Variants in RPS6KA2 observed in about 807,000 individuals in gnomAD.
The protein encoded by RPS6KA2 is ribosomal protein S6 kinase alpha-2.
Under a neutral mutation model 91.8 loss-of-function variants are expected in RPS6KA2, and 42 were observed. That is an observed-to-expected ratio of 0.46 (90% CI 0.36 to 0.59). RPS6KA2 has a LOEUF of 0.59. Ranked by LOEUF, RPS6KA2 falls within the 20% of genes least tolerant of loss-of-function variation. The pLI is 0.00. For synonymous variants in RPS6KA2, 414 were observed against 393.6 expected, an observed-to-expected ratio of 1.05 and a Z score of -0.61; for missense variants, 798 against 978.5, an observed-to-expected ratio of 0.82 and a Z score of 2.46.
intron 2 of RPS6KA2, among the ~76,000 whole-genome samples, chr6:166,846,529 T>C (rs1341274867): frequency 6.6e-6 from 1 of 152,222 alleles, no homozygotes; most frequent in African/African-American, 2.4e-5. Context: ...GTGGGTTTCA[T>C]ACCAGGAATG....
chr6:166,504,521 T>C lies in RPS6KA2; in HGVS notation c.551A>G (p.Asp184Gly). 6.2e-7 allele frequency: 1 copy of C among 1,610,158 alleles called. No individual in the cohort carries two copies. The highest frequency in any genetic ancestry group is 1.7e-5 in the Admixed American group (1 of 59,424). The change falls in exon 6 of 21, where the codon GAT (aspartate) becomes GGT (glycine). Residue 184 changes from aspartate (D) to glycine (G), a missense_variant. By Grantham distance (94) the Asp-to-Gly change is moderately conservative (BLOSUM62 -1). Coordinates refer to ENST00000265678, the MANE Select transcript of RPS6KA2 (RefSeq NM_021135.6). The part of the protein sequence containing the change: ...HLHSLGIIYR[D>G]LKPENILLDE... ...TCTCACTTACTTCTCAGGCTTCAGATCTCTGTAGATGATCCCCAGGCTGTG... is the reference window on the plus strand; with the variant it reads ...TCTCACTTACTTCTCAGGCTTCAGACCTCTGTAGATGATCCCCAGGCTGTG...
intron 2 of RPS6KA2, among the ~76,000 whole-genome samples, chr6:166,746,384 T>C (rs962470578): frequency 1.3e-5 from 2 of 152,186 alleles, no homozygotes; most frequent in Non-Finnish European, 2.9e-5. Flanking sequence ...CCCAACACTC[T>C]GACACCATAT....
intron 2 of RPS6KA2, among the ~76,000 whole-genome samples, chr6:166,676,738 G>A (rs1049398650): frequency 6.6e-6 from 1 of 152,170 alleles, no homozygotes; most frequent in African/African-American, 2.4e-5. Flanking sequence ...ACTCTGCTGC[G>A]AACACTGCTC....
rs184453872 is a variant in RPS6KA2 at position 166,422,006 on chromosome 6, T to A, written c.1743+1250A>T. 9.2e-3 allele frequency among the ~76,000 whole-genome samples: 1,396 copies of A among 152,224 alleles called. 23 individuals carry two copies. Among genetic ancestry groups the A allele is most frequent in the African/African-American group, 0.031 (1,277 of 41,530 alleles). ...CCTCCACTTCCCGGGTTCAAGCGAT[T>A]CTCCTGCCTCAGCCTCCTGAGTAGC... On this transcript the variant is annotated intron_variant, in intron 17 of 20. Transcript: ENST00000265678.
intron 10 of RPS6KA2, among the ~76,000 whole-genome samples, chr6:166,484,909 T>C (rs1007862725): frequency 2.6e-5 from 4 of 152,280 alleles, no homozygotes; most frequent in African/African-American, 9.6e-5. Context: ...TTGACCTGCT[T>C]TGAAGTACTG....
chr6:166,668,522 T>C (rs375087955), intron 2 of RPS6KA2, among the ~76,000 whole-genome samples: 1 of 152,006 alleles, frequency 6.6e-6, no homozygotes, highest in Non-Finnish European at 1.5e-5. Context: ...ATTGGCTGAG[T>C]AAGGCTGGAA....
chr6:166,462,335 G>A (rs889455564), intron 11 of RPS6KA2, among the ~76,000 whole-genome samples: 1 of 152,186 alleles, frequency 6.6e-6, no homozygotes, highest in African/African-American at 2.4e-5. Context: ...GTCCACCGAT[G>A]GGGCAGGCAC....
intron 2 of RPS6KA2, among the ~76,000 whole-genome samples, chr6:166,688,615 AG>A (rs1035846314): frequency 6.6e-6 from 1 of 152,216 alleles, no homozygotes; most frequent in Non-Finnish European, 1.5e-5. Flanking sequence ...TGTCACCATG[AG>A]GAGGTGACAT....
chr6:166,510,847 T>C (rs1782457615), intron 3 of RPS6KA2, among the ~76,000 whole-genome samples: 1 of 151,994 alleles, frequency 6.6e-6, no homozygotes, highest in East Asian at 1.9e-4. Flanking sequence ...TTGTTAAATG[T>C]CTTTGTTTTG....
chr6:166,837,054 G>A (rs542126259), intron 2 of RPS6KA2, among the ~76,000 whole-genome samples: 4 of 152,182 alleles, frequency 2.6e-5, no homozygotes, highest in Non-Finnish European at 5.9e-5. Flanking sequence ...AGCAGGTGCC[G>A]CTCACCTGGC....
intron 14 of RPS6KA2, chr6:166,440,375 C>A (rs1779481788): frequency 1.3e-5 from 2 of 152,184 alleles, no homozygotes; most frequent in African/African-American, 4.8e-5. Context: ...AACCATAAGC[C>A]AATCACATTA....
chr6:166,488,042 C>T (rs527603931), intron 10 of RPS6KA2, among the ~76,000 whole-genome samples: 1 of 151,948 alleles, frequency 6.6e-6, no homozygotes, highest in African/African-American at 2.4e-5. Flanking sequence ...CCTGATTTAA[C>T]TTTTGCCTTC....
intron 1 of RPS6KA2, among the ~76,000 whole-genome samples, chr6:166,559,740 T>TA (rs910747941): frequency 5.3e-5 from 8 of 152,048 alleles, no homozygotes; most frequent in Non-Finnish European, 7.4e-5. Context: ...TCTGTGTTAT[T>TA]AAAAAAAAGT....
chr6:166,412,916 C>G lies in RPS6KA2; in HGVS notation c.2077-29G>C. On this transcript the variant is annotated intron_variant, in intron 20 of 20. Transcript: ENST00000265678. The surrounding 1 kb of genome is among the most constrained non-coding windows in gnomAD (Gnocchi z 4.3). ...CAAAACAGAAGACAAGGGTGAGAGCCGCGGCGCCTCACTCCAGGGGTTGAG... is the reference window on the plus strand; with the variant it reads ...CAAAACAGAAGACAAGGGTGAGAGCGGCGGCGCCTCACTCCAGGGGTTGAG... 6.5e-7 allele frequency: 1 copy of G among 1,534,620 alleles called. No homozygotes were observed.
chr6:166,619,024 C>G (rs1335239569), intron 1 of RPS6KA2, among the ~76,000 whole-genome samples: 1 of 150,406 alleles, frequency 6.6e-6, no homozygotes, highest in African/African-American at 2.5e-5. Context: ...CGCGCACCAG[C>G]CCTGTGCATA....
At chr6:166,517,467 T>G (rs78586424) in intron 3 of RPS6KA2, among the ~76,000 whole-genome samples, 84 of 56,582 alleles carry the variant, frequency 1.5e-3, no homozygotes, top group South Asian at 5.6e-3. Flanking sequence ...TTTTTTTTTT[T>G]TTTTTTTTTT....
At chr6:166,588,883 G>A (rs1389125708) in intron 1 of RPS6KA2, among the ~76,000 whole-genome samples, 4 of 152,192 alleles carry the variant, frequency 2.6e-5, no homozygotes, top group Non-Finnish European at 5.9e-5. Context: ...GGCCAGGTGC[G>A]ACTACCTGTG....
rs1788286027 is a variant in RPS6KA2 at position 166,665,424 on chromosome 6, C to G, written c.124-126640G>C. Reference sequence around the variant, plus strand: ...AAACCCAAAGAAGGGTTTGCAGCAGCAGCTGCACAAAGCTGCTGGACAAAG... The same window carrying G: ...AAACCCAAAGAAGGGTTTGCAGCAGGAGCTGCACAAAGCTGCTGGACAAAG... On this transcript the variant is annotated intron_variant, in intron 2 of 21. Transcript: ENST00000503859. The surrounding 1 kb of genome is among the most constrained non-coding windows in gnomAD (Gnocchi z 4.5). Among the ~76,000 whole-genome samples the G allele has an allele frequency of 6.6e-6, 1 of 152,180 alleles. No homozygotes were observed.
intron 1 of RPS6KA2, among the ~76,000 whole-genome samples, chr6:166,565,066 G>A (rs957724792): frequency 2.0e-5 from 3 of 152,206 alleles, no homozygotes; most frequent in Non-Finnish European, 4.4e-5. Flanking sequence ...GCCACTTGGC[G>A]AAGTGGAGAT....
Sources: gnomAD v4.1 joint callset for allele counts (sites outside exome capture counted in the v4.1 genomes callset) on GRCh38, gnomAD v4.1.1 for gene constraint, Gnocchi (gnomAD v3.1) non-coding constraint, MANE v1.5 for transcripts, NCBI Gene and HGNC (gene_info 2026-07-23, HGNC 2026-07-21) for gene names.